SOX5: variants seen among roughly 807,000 people sequenced by gnomAD.
The protein encoded by SOX5 is transcription factor SOX-5.
A neutral mutation model predicts 92.0 loss-of-function variants in SOX5; 9 were observed. The ratio of observed to expected loss-of-function variants is 0.10; its 90% CI spans 0.06 to 0.17. The LOEUF (loss-of-function observed/expected upper bound fraction) is 0.17. Ranked by LOEUF, SOX5 falls within the 10% of genes least tolerant of loss-of-function variation. The pLI, the probability that SOX5 is intolerant of heterozygous loss-of-function variation, is 1.00. For missense variants in SOX5, 642 were observed against 944.5 expected, an observed-to-expected ratio of 0.68 and a Z score of 4.20; for synonymous variants, 344 against 336.3, an observed-to-expected ratio of 1.02 and a Z score of -0.25.
intron 3 of SOX5, among the ~76,000 whole-genome samples, chr12:23,773,523 C>G (rs1048727312): frequency 2.0e-5 from 3 of 152,090 alleles, no homozygotes; most frequent in Non-Finnish European, 2.9e-5. Context: ...AGGCACGTGC[C>G]ACCACGTCTG....
intron 2 of SOX5, among the ~76,000 whole-genome samples, chr12:23,853,962 G>A (rs991122412): frequency 1.3e-5 from 2 of 152,162 alleles, no homozygotes; most frequent in East Asian, 1.9e-4. Flanking sequence ...AACATGTATT[G>A]TAACTAGCCA....
chr12:23,885,703 TAAAAAGCATTTTGCACACAAAGGA>T (rs1207706604), intron 2 of SOX5, among the ~76,000 whole-genome samples: 1 of 152,188 alleles, frequency 6.6e-6, no homozygotes, highest in Non-Finnish European at 1.5e-5. Flanking sequence ...GGGAAAATTT[TAAAAAGCATTTTGCACACAAAGGA>T]GATATGTAAC....
intron 2 of SOX5, among the ~76,000 whole-genome samples, chr12:23,880,065 T>C (rs930368266): frequency 2.6e-5 from 4 of 152,188 alleles, no homozygotes; most frequent in Non-Finnish European, 5.9e-5. Context: ...ACCACAGCAG[T>C]ACCCTAAGAA....
intron 6 of SOX5, among the ~76,000 whole-genome samples, chr12:23,690,776 A>T (rs116648388): frequency 1.3e-5 from 2 of 152,116 alleles, no homozygotes; most frequent in African/African-American, 4.8e-5. Context: ...ACATTTCCTT[A>T]CACACACCAG....
At chr12:23,905,646 AGATT>A (rs1241265317) in intron 1 of SOX5, among the ~76,000 whole-genome samples, 1 of 152,198 alleles carries the variant, frequency 6.6e-6, no homozygotes, top group Non-Finnish European at 1.5e-5. Context: ...TACTTGAAAA[AGATT>A]AATTAGAGTT....
At chr12:23,867,970 A>G (rs879362242) in intron 2 of SOX5, among the ~76,000 whole-genome samples, 1 of 152,008 alleles carries the variant, frequency 6.6e-6, no homozygotes. Context: ...AAGGATGTGA[A>G]GAAATGACAA....
chr12:24,510,684 A>T (rs1217977482), intron 1 of SOX5, among the ~76,000 whole-genome samples: 2 of 152,216 alleles, frequency 1.3e-5, no homozygotes, highest in Non-Finnish European at 2.9e-5. Context: ...ATTTTTCAAA[A>T]TCCACAGGTG....
At chr12:24,001,811 C>T (rs896314168) in intron 4 of SOX5, among the ~76,000 whole-genome samples, 2 of 151,970 alleles carry the variant, frequency 1.3e-5, no homozygotes, top group African/African-American at 2.4e-5. Context: ...GAAGAACAGA[C>T]ATAAGATGCA....
rs1429452138 is a variant in SOX5 at position 24,505,283 on chromosome 12, T to A, written c.-251+57046A>T. 2.0e-5 allele frequency among the ~76,000 whole-genome samples: 3 copies of A among 152,088 alleles called. No homozygotes were observed. In the East Asian group the frequency reaches 5.8e-4, roughly 29 times the overall value. ...AGCTTATAATGTGGAAAACCTTGAGTTGTATCTGGAACAAAGAAGAACTCA... is the reference window on the plus strand; with the variant it reads ...AGCTTATAATGTGGAAAACCTTGAGATGTATCTGGAACAAAGAAGAACTCA... On this transcript the variant is annotated intron_variant, in intron 1 of 4. Coordinates refer to the SOX5 transcript ENST00000446891.
chr12:24,106,430 A>G (rs1057510555), intron 4 of SOX5, among the ~76,000 whole-genome samples: 1 of 152,212 alleles, frequency 6.6e-6, no homozygotes, highest in Non-Finnish European at 1.5e-5. Flanking sequence ...GCAACGGGAA[A>G]CGTAAAATAA....
At chr12:23,969,698 T>C (rs549804346) in intron 4 of SOX5, among the ~76,000 whole-genome samples, 2 of 152,372 alleles carry the variant, frequency 1.3e-5, no homozygotes, top group Non-Finnish European at 2.9e-5. Flanking sequence ...TAGTTTTTAC[T>C]GTTACAGCAT....
intron 4 of SOX5, among the ~76,000 whole-genome samples, chr12:24,103,262 G>A (rs1373962502): frequency 6.6e-6 from 1 of 152,116 alleles, no homozygotes; most frequent in Non-Finnish European, 1.5e-5. Flanking sequence ...TTAAGAAAAG[G>A]CTAAAATCTT....
chr12:24,444,927 T>C (rs572273262), intron 1 of SOX5, among the ~76,000 whole-genome samples: 1 of 152,196 alleles, frequency 6.6e-6, no homozygotes, highest in East Asian at 1.9e-4. Flanking sequence ...ACCTCACAGA[T>C]ACAAATATCA....
intron 4 of SOX5, among the ~76,000 whole-genome samples, chr12:24,172,058 T>C (rs1488948792): frequency 4.0e-5 from 6 of 150,592 alleles, no homozygotes; most frequent in Non-Finnish European, 8.9e-5. Context: ...TAATGTACTA[T>C]GGCTGGAGAA....
Position 24,110,900 on chromosome 12 carries a change from C to CAAAAA in SOX5, c.-2+102438_-2+102442dup, listed in dbSNP as rs67100585. 9.1e-4 allele frequency among the ~76,000 whole-genome samples: 25 copies of CAAAAA among 27,560 alleles called. 2 individuals are homozygous for CAAAAA. The highest frequency in any genetic ancestry group is 1.4e-3 in the African/African-American group (14 of 10,318). 18.1% of individuals were successfully genotyped at this position (27,560 alleles called of 152,430 possible). On this transcript the variant is annotated intron_variant, in intron 4 of 4. Transcript: ENST00000446891. ...TGGGCGACAGCGCGAGACTCCACTT[C>CAAAAA]AAAAAAAAAAAAAAAAAAAAAAAAA... is the stretch of plus-strand genomic sequence containing the variant.
chr12:23,550,188 ATAC>A (rs1943925515), intron 11 of SOX5, among the ~76,000 whole-genome samples: 1 of 151,930 alleles, frequency 6.6e-6, no homozygotes, highest in Admixed American at 6.6e-5. Context: ...GTATCAATTC[ATAC>A]TTCTAAGCCA....
rs74068021 is a variant in SOX5, at chr12:24,000,892, A to G, written c.-1-104868T>C. On this transcript the variant is annotated intron_variant, in intron 4 of 4. Coordinates refer to the SOX5 transcript ENST00000446891. ...ATACAGAAATCCTAAAAGAGTTAGG[A>G]ATTAGACAGGATATACAAGAATTGA... is the stretch of plus-strand genomic sequence containing the variant. Among the ~76,000 whole-genome samples the G allele has an allele frequency of 7.8e-3, 1,194 of 152,300 alleles. 17 individuals carry two copies. The highest frequency in any genetic ancestry group is 0.028 in the African/African-American group (1,154 of 41,566).
intron 9 of SOX5, among the ~76,000 whole-genome samples, chr12:23,580,298 T>C (rs1044860633): frequency 6.6e-6 from 1 of 152,086 alleles, no homozygotes; most frequent in African/African-American, 2.4e-5. Context: ...AAGGCACTGA[T>C]GGAATATAAC....
chr12:24,042,182 A>C (rs1349552648), intron 4 of SOX5, among the ~76,000 whole-genome samples: 1 of 152,150 alleles, frequency 6.6e-6, no homozygotes, highest in African/African-American at 2.4e-5. Flanking sequence ...TATAAAAATA[A>C]AGGACTAAAG....
Sources: gnomAD v4.1 joint callset for allele counts (sites outside exome capture counted in the v4.1 genomes callset) on GRCh38, gnomAD v4.1.1 for gene constraint, MANE v1.5 for transcripts, NCBI Gene and HGNC (gene_info 2026-07-23, HGNC 2026-07-21) for gene names.